The following FNDC3A variants were observed in gnomAD, a reference collection of about 807,000 sequenced individuals.
FNDC3A encodes the protein fibronectin type III domain containing 3A, also known as fibronectin type-III domain-containing protein 3A.
A neutral mutation model predicts 148.9 loss-of-function variants in FNDC3A; 32 were observed. That is an observed-to-expected ratio of 0.21 (90% CI 0.16 to 0.29). FNDC3A has a LOEUF of 0.29. Ranked by LOEUF, FNDC3A falls within the 10% of genes least tolerant of loss-of-function variation. The probability of loss-of-function intolerance (pLI) is 1.00; values close to 1 mark genes in which losing one functional copy is unlikely to be tolerated. For synonymous variants in FNDC3A, 472 were observed against 473.6 expected (o/e 1.00, Z 0.04); for missense variants, 1,191 against 1,452.8 (o/e 0.82, Z 2.93).
At chr13:49,051,021 T>G (rs1875802082) in intron 2 of FNDC3A, among the ~76,000 whole-genome samples, 1 of 152,206 alleles carries the variant, frequency 6.6e-6, no homozygotes, top group African/African-American at 2.4e-5. Flanking sequence ...CCCCTTTACC[T>G]TAAGTTTATG....
chr13:49,183,538 C>T (rs977528343), intron 14 of FNDC3A, among the ~76,000 whole-genome samples: 1 of 152,030 alleles, frequency 6.6e-6, no homozygotes, highest in Non-Finnish European at 1.5e-5. Flanking sequence ...CTAGAAGGTG[C>T]TTTACAGTAA....
At chr13:49,026,298 G>A (rs1017927263) in intron 2 of FNDC3A, among the ~76,000 whole-genome samples, 4 of 152,064 alleles carry the variant, frequency 2.6e-5, no homozygotes, top group African/African-American at 4.8e-5. Context: ...CTCCAAGTTC[G>A]GAAAAATGAT....
intron 2 of FNDC3A, among the ~76,000 whole-genome samples, chr13:49,055,282 T>C (rs569921826): frequency 3.9e-5 from 6 of 152,228 alleles, no homozygotes; most frequent in Middle Eastern, 3.4e-3. Flanking sequence ...CTTATTTCTT[T>C]GTAGAGATGG....
chr13:49,198,620 G>A, intron 23 of FNDC3A, 46 bp downstream of exon 23: 2 of 1,429,588 alleles, frequency 1.4e-6, no homozygotes, highest in Admixed American at 1.7e-5. Flanking sequence ...TAGGTCTTAA[G>A]TATATACATT....
chr13:48,994,548 G>A (rs992372752), intron 1 of FNDC3A, among the ~76,000 whole-genome samples: 3 of 152,164 alleles, frequency 2.0e-5, no homozygotes, highest in African/African-American at 7.2e-5. Context: ...GGAGGCCGAC[G>A]CGGGCAGATC....
chr13:49,135,740 A>G (rs920571780), intron 5 of FNDC3A, among the ~76,000 whole-genome samples: 11 of 152,220 alleles, frequency 7.2e-5, no homozygotes, highest in African/African-American at 2.4e-4. Context: ...TTATGTTCCT[A>G]TGTGACTTTT....
intron 8 of FNDC3A, among the ~76,000 whole-genome samples, chr13:49,166,762 C>T (rs1322812386): frequency 6.6e-6 from 1 of 152,152 alleles, no homozygotes; most frequent in Non-Finnish European, 1.5e-5. Context: ...TTACATGTTT[C>T]CAGTTTAATT....
intron 2 of FNDC3A, among the ~76,000 whole-genome samples, chr13:49,009,866 C>T (rs191348027): frequency 6.6e-6 from 1 of 152,160 alleles, no homozygotes; most frequent in African/African-American, 2.4e-5. Flanking sequence ...AAAAACTTAG[C>T]CTGCCTATTA....
intron 2 of FNDC3A, among the ~76,000 whole-genome samples, chr13:49,037,072 A>G (rs1247260332): frequency 6.6e-6 from 1 of 152,234 alleles, no homozygotes; most frequent in African/African-American, 2.4e-5. Context: ...GAGAAATCTC[A>G]TAAGCATTGT....
chr13:48,982,913 C>G (rs1373211804), intron 1 of FNDC3A, among the ~76,000 whole-genome samples: 1 of 152,154 alleles, frequency 6.6e-6, no homozygotes, highest in Non-Finnish European at 1.5e-5. Flanking sequence ...CTAATATAGA[C>G]TGTACAAGAA....
intron 12 of FNDC3A, among the ~76,000 whole-genome samples, chr13:49,174,983 G>A (rs78029459): frequency 0.019 from 2,858 of 151,472 alleles, 93 homozygotes; most frequent in African/African-American, 0.064. Flanking sequence ...GGGCAGGTGC[G>A]TTTAATTACA....
At chr13:49,191,578 G>A (rs1272637226) in intron 19 of FNDC3A, among the ~76,000 whole-genome samples, 194 bp downstream of exon 19, 3 of 152,088 alleles carry the variant, frequency 2.0e-5, no homozygotes, top group Non-Finnish European at 4.4e-5. Context: ...TGAAATCTCA[G>A]TATTTTTAGA....
chr13:49,151,563 T>A (rs1011282267), intron 8 of FNDC3A, among the ~76,000 whole-genome samples: 1 of 152,168 alleles, frequency 6.6e-6, no homozygotes, highest in African/African-American at 2.4e-5. Flanking sequence ...GAAAGTTTTT[T>A]GTTTCTTTTT....
chr13:49,072,366 G>A (rs1877754143), intron 2 of FNDC3A, among the ~76,000 whole-genome samples: 1 of 152,046 alleles, frequency 6.6e-6, no homozygotes, highest in Non-Finnish European at 1.5e-5. Flanking sequence ...ATAGAAAAAA[G>A]TGAGAGTTAA....
intron 2 of FNDC3A, among the ~76,000 whole-genome samples, chr13:49,052,505 G>A (rs1875914600): frequency 6.6e-6 from 1 of 152,178 alleles, no homozygotes; most frequent in Admixed American, 6.5e-5. Flanking sequence ...GGGAGTGTCT[G>A]CAGAGTCCTG....
intron 25 of FNDC3A, 42 bp downstream of exon 25, chr13:49,203,326 C>CT: frequency 1.4e-6 from 2 of 1,469,104 alleles, no homozygotes; most frequent in Non-Finnish European, 1.9e-6. Context: ...TATTTTTACC[C>CT]TTTTTTAATT....
chr13:49,066,130 G>A (rs2137754970), intron 2 of FNDC3A, among the ~76,000 whole-genome samples: 1 of 152,188 alleles, frequency 6.6e-6, no homozygotes, highest in East Asian at 1.9e-4. Flanking sequence ...GACCTGGTTG[G>A]ATGAATAGGA....
chr13:49,086,149 TG>T (rs1469471779), intron 3 of FNDC3A, among the ~76,000 whole-genome samples: 2 of 152,238 alleles, frequency 1.3e-5, no homozygotes, highest in Non-Finnish European at 2.9e-5. Flanking sequence ...CCTAAAGTTC[TG>T]GGATTACAGG....
chr13:49,148,091 T>A (rs1819612816), intron 8 of FNDC3A, among the ~76,000 whole-genome samples: 2 of 152,232 alleles, frequency 1.3e-5, no homozygotes, highest in Admixed American at 1.3e-4. Context: ...TCCTGTTGAG[T>A]TGAATTCCTT....
Sources: allele counts gnomAD v4.1 joint callset (sites outside exome capture counted in the v4.1 genomes callset), GRCh38; gene constraint gnomAD v4.1.1; transcripts MANE v1.5; gene names NCBI Gene and HGNC (gene_info 2026-07-23, HGNC 2026-07-21).